The following SLC13A1 variants were observed in gnomAD, a reference collection of about 807,000 sequenced individuals.
SLC13A1 encodes the protein solute carrier family 13 member 1, also known as Na(+)/sulfate cotransporter.
SLC13A1 carries 65 observed loss-of-function variants against 70.0 expected under a neutral mutation model. The ratio of observed to expected loss-of-function variants is 0.93; its 90% CI spans 0.76 to 1.14. The LOEUF (loss-of-function observed/expected upper bound fraction) is 1.14. SLC13A1 is among the 50% of genes most tolerant of loss of function. The pLI is 0.00. For synonymous variants in SLC13A1, 275 were observed against 250.5 expected, an observed-to-expected ratio of 1.10 and a Z score of -0.92; for missense variants, 726 against 717.8, an observed-to-expected ratio of 1.01 and a Z score of -0.13.
chr7:123,125,993 A>T (rs919618655), intron 10 of SLC13A1, among the ~76,000 whole-genome samples: 4 of 152,210 alleles, frequency 2.6e-5, no homozygotes, highest in Non-Finnish European at 5.9e-5. Flanking sequence ...TTGTTAAACA[A>T]TTTCTTCTTT....
chr7:123,113,804 A>G lies in SLC13A1; in HGVS notation c.*1714T>C, dbSNP rs1207634494. ...TTTTTGCATTGGCCCATTAATAAAC[A>G]TAGATAAATAATGAACATGGCCAAT... On this transcript the variant is annotated 3_prime_UTR_variant, in exon 15 of 15. Coordinates refer to ENST00000194130, the MANE Select transcript of SLC13A1 (RefSeq NM_022444.4). 2 of 152,220 alleles carry G rather than the reference A, an allele frequency of 1.3e-5. No homozygotes were observed. Among genetic ancestry groups the G allele is most frequent in the African/African-American group, 4.8e-5 (2 of 41,462 alleles). 9.4% of individuals were successfully genotyped at this position (152,220 alleles called of 1,614,324 possible).
chr7:123,160,448 C>T (rs887984582), intron 6 of SLC13A1, among the ~76,000 whole-genome samples: 1 of 151,886 alleles, frequency 6.6e-6, no homozygotes, highest in Non-Finnish European at 1.5e-5. Flanking sequence ...TGCAGAGGAA[C>T]CAAAATGGAC....
intron 6 of SLC13A1, among the ~76,000 whole-genome samples, chr7:123,149,081 C>T (rs1057294850): frequency 6.6e-6 from 1 of 152,110 alleles, no homozygotes. Context: ...AGGTAACACA[C>T]ATCTTCTGCC....
At chr7:123,164,762 C>A (rs2116517579) in intron 6 of SLC13A1, among the ~76,000 whole-genome samples, 1 of 151,638 alleles carries the variant, frequency 6.6e-6, no homozygotes, top group East Asian at 1.9e-4. Flanking sequence ...AACATCACAA[C>A]TGAAAAAAAT....
Position 123,156,673 on chromosome 7 carries a change from A to AT in SLC13A1, c.661-9364dup, listed in dbSNP as rs545270583. Among the ~76,000 whole-genome samples, 243 of 152,170 alleles carry AT rather than the reference A, an allele frequency of 1.6e-3. 1 individual carries two copies. Among genetic ancestry groups the AT allele is most frequent in the African/African-American group, 5.4e-3 (224 of 41,518 alleles). On this transcript the variant is annotated intron_variant, in intron 6 of 14. Transcript: ENST00000194130. ...ATAAGAAGATTATTTCTGTAAAGAA[A>AT]TTTTTTTTATAATGGATTCTTTATT...
chr7:123,115,841 T>C (rs1319030317), intron 14 of SLC13A1, among the ~76,000 whole-genome samples, 186 bp from the exon 15 acceptor site: 1 of 152,232 alleles, frequency 6.6e-6, no homozygotes, highest in African/African-American at 2.4e-5. Context: ...GTTACATATG[T>C]ATACATGGGT....
intron 7 of SLC13A1, among the ~76,000 whole-genome samples, chr7:123,142,638 CTT>C (rs753775300): frequency 5.2e-4 from 62 of 118,750 alleles, no homozygotes; most frequent in Admixed American, 8.6e-4. Context: ...GGGGCAAGAA[CTT>C]TTTTTTTTTT....
chr7:123,173,742 C>T (rs771332435), intron 2 of SLC13A1, among the ~76,000 whole-genome samples: 2 of 152,140 alleles, frequency 1.3e-5, no homozygotes, highest in Non-Finnish European at 1.5e-5. Context: ...CTAACCATCA[C>T]GTATTTTGCA....
At chr7:123,178,017 T>TTCTCTCTC (rs146835273) in intron 2 of SLC13A1, among the ~76,000 whole-genome samples, 38,605 of 148,582 alleles carry the variant, frequency 0.26, 5,459 homozygotes, top group South Asian at 0.34. Flanking sequence ...ATCTCTCTCT[T>TTCTCTCTC]TCTCTCTCTC....
At chr7:123,182,489 C>G (rs1795670694) in intron 1 of SLC13A1, among the ~76,000 whole-genome samples, 1 of 152,130 alleles carries the variant, frequency 6.6e-6, no homozygotes, top group Non-Finnish European at 1.5e-5. Context: ...TCCTCCACTG[C>G]AGGCAAGACT....
rs545813371 is a variant in SLC13A1 at position 123,130,104 on chromosome 7, T to G, written c.933-623A>C. 9.9e-5 allele frequency among the ~76,000 whole-genome samples: 15 copies of G among 152,114 alleles called. No individual in the cohort carries two copies. The South Asian group carries it at 3.1e-3, about 32-fold the overall frequency. On this transcript the variant is annotated intron_variant, in intron 8 of 14. Transcript: ENST00000194130. The stretch of plus-strand genomic sequence containing the variant: ...TTTCACAAAGTATGCTAAACTCGAG[T>G]TTTACACTAGTGCAGGGACTGATCA...
chr7:123,190,904 T>C (rs1795972647), intron 1 of SLC13A1, among the ~76,000 whole-genome samples: 1 of 152,198 alleles, frequency 6.6e-6, no homozygotes, highest in Non-Finnish European at 1.5e-5. Context: ...TCTTGCTTTA[T>C]ATTTTGAAAA....
At chr7:123,133,298 G>A (rs1034255926) in intron 8 of SLC13A1, among the ~76,000 whole-genome samples, 11 of 151,880 alleles carry the variant, frequency 7.2e-5, no homozygotes, top group African/African-American at 1.9e-4. Context: ...ATTGTACTTG[G>A]TATATTGAAA....
intron 1 of SLC13A1, among the ~76,000 whole-genome samples, chr7:123,193,537 G>T (rs1001051569): frequency 6.6e-6 from 1 of 152,156 alleles, no homozygotes; most frequent in Non-Finnish European, 1.5e-5. Flanking sequence ...GTGCTTTCGT[G>T]ATTGCAAATG....
intron 11 of SLC13A1, among the ~76,000 whole-genome samples, chr7:123,124,689 C>CTGTGTG (rs143632506): frequency 1.3e-5 from 2 of 150,134 alleles, no homozygotes; most frequent in African/African-American, 2.4e-5. Context: ...GTGTGTGTGT[C>CTGTGTG]TGTGTGTGTG....
chr7:123,198,345 G>A (rs1420849434), intron 1 of SLC13A1, among the ~76,000 whole-genome samples: 1 of 151,920 alleles, frequency 6.6e-6, no homozygotes, highest in Non-Finnish European at 1.5e-5. Flanking sequence ...CACAGAATTT[G>A]AAAAACAAAA....
At chr7:123,128,250 G>C (rs1793631560) in intron 10 of SLC13A1, among the ~76,000 whole-genome samples, 1 of 151,860 alleles carries the variant, frequency 6.6e-6, no homozygotes, top group Admixed American at 6.6e-5. Context: ...CAAACAAATA[G>C]TCCTCCATAG....
intron 2 of SLC13A1, 123 bp downstream of exon 2, chr7:123,180,850 G>T: frequency 2.0e-6 from 2 of 1,006,540 alleles, no homozygotes; most frequent in Non-Finnish European, 2.9e-6. Context: ...ACAGTTGGAA[G>T]TTTGGGGGAC....
intron 8 of SLC13A1, among the ~76,000 whole-genome samples, chr7:123,133,612 A>G (rs967567774): frequency 6.6e-6 from 1 of 152,064 alleles, no homozygotes; most frequent in African/African-American, 2.4e-5. Context: ...ATCTTGGCTC[A>G]CTGCAACCTC....
Sources: gnomAD v4.1 joint callset for allele counts (sites outside exome capture counted in the v4.1 genomes callset) on GRCh38, gnomAD v4.1.1 for gene constraint, MANE v1.5 for transcripts, NCBI Gene and HGNC (gene_info 2026-07-23, HGNC 2026-07-21) for gene names.